Variants in BRD10 observed in about 807,000 individuals in gnomAD.
The protein encoded by BRD10 is bromodomain containing 10, also known as uncharacterized bromodomain-containing protein 10.
At chr9:5,923,406 A>T in the BRD10 span, 1 of 927,008 alleles carries the variant, frequency 1.1e-6, no homozygotes, top group Non-Finnish European at 1.6e-6. Context: ...TTGAGCTGGC[A>T]GTGTATTAAG....
At chr9:5,934,353 C>CT in the BRD10 span, among the ~76,000 whole-genome samples, 2 of 125,204 alleles carry the variant, frequency 1.6e-5, 1 homozygote, top group Non-Finnish European at 3.4e-5. Context: ...ATATATTACG[C>CT]TTTTCTTTTT....
the BRD10 span, among the ~76,000 whole-genome samples, chr9:5,928,281 A>T: frequency 6.6e-6 from 1 of 151,838 alleles, no homozygotes; most frequent in Non-Finnish European, 1.5e-5. Flanking sequence ...AGCCTCTACC[A>T]TTTTTCTCCT....
chr9:5,969,635 G>A, the BRD10 span, among the ~76,000 whole-genome samples: 2 of 151,834 alleles, frequency 1.3e-5, no homozygotes, highest in South Asian at 2.1e-4. Flanking sequence ...CCTCTGCCTC[G>A]CGGGTTCAAG....
chr9:5,954,352 G>A, the BRD10 span, among the ~76,000 whole-genome samples: 5 of 152,108 alleles, frequency 3.3e-5, no homozygotes, highest in African/African-American at 1.2e-4. Flanking sequence ...GTGTTATACG[G>A]TAGAATCTAC....
the BRD10 span, among the ~76,000 whole-genome samples, chr9:5,997,477 T>C: frequency 4.6e-5 from 7 of 151,792 alleles, no homozygotes; most frequent in Non-Finnish European, 7.4e-5. Context: ...CTACCAAATA[T>C]ATTAAAATAA....
the BRD10 span, among the ~76,000 whole-genome samples, chr9:6,001,106 C>T: frequency 2.0e-5 from 3 of 152,278 alleles, no homozygotes; most frequent in South Asian, 6.2e-4. Context: ...ACATCATCTG[C>T]TCCTTCATAC....
At chr9:5,978,458 A>C in the BRD10 span, among the ~76,000 whole-genome samples, 2 of 151,958 alleles carry the variant, frequency 1.3e-5, no homozygotes, top group Admixed American at 6.5e-5. Flanking sequence ...GGCATGAAAA[A>C]GGGAAGCAAG....
chr9:5,906,653 G>C, the BRD10 span, among the ~76,000 whole-genome samples: 5 of 152,232 alleles, frequency 3.3e-5, no homozygotes, highest in Non-Finnish European at 7.3e-5. Flanking sequence ...TACTGCACTA[G>C]AGCTTTACTT....
the BRD10 span, among the ~76,000 whole-genome samples, chr9:5,930,369 T>TTTTATATATAATATATATATATATA: frequency 1.0e-4 from 14 of 135,536 alleles, no homozygotes; most frequent in African/African-American, 4.0e-4. Context: ...TATAAGGAGA[T>TTTTATATATAATATATATATATATA]TATATATATA....
chr9:5,972,111 A>G, the BRD10 span, among the ~76,000 whole-genome samples: 1 of 152,222 alleles, frequency 6.6e-6, no homozygotes, highest in African/African-American at 2.4e-5. Context: ...CCTTAAGTCT[A>G]GACTTTAAGG....
the BRD10 span, chr9:6,007,568 C>T: frequency 1.2e-6 from 2 of 1,611,276 alleles, no homozygotes; most frequent in Non-Finnish European, 1.7e-6. Context: ...TAGGTCAGCT[C>T]CTGCTCCTTG....
the BRD10 span, among the ~76,000 whole-genome samples, chr9:5,996,487 T>A: frequency 6.6e-6 from 1 of 152,042 alleles, no homozygotes; most frequent in African/African-American, 2.4e-5. Flanking sequence ...CCTGGCTAAT[T>A]TTTGTATGTT....
chr9:6,008,157 C>A, the BRD10 span: 1 of 979,548 alleles, frequency 1.0e-6, no homozygotes, highest in Non-Finnish European at 1.2e-6. Context: ...CACCCCCTCC[C>A]GGGCCAGCGG....
the BRD10 span, among the ~76,000 whole-genome samples, chr9:5,957,562 A>G: frequency 6.6e-6 from 1 of 152,166 alleles, no homozygotes; most frequent in Admixed American, 6.5e-5. Context: ...ATGTGAAATT[A>G]GGTCTGTCTC....
At chr9:5,933,311 CA>C in the BRD10 span, among the ~76,000 whole-genome samples, 2 of 152,100 alleles carry the variant, frequency 1.3e-5, no homozygotes, top group Admixed American at 6.5e-5. Context: ...TTTCATAATT[CA>C]AATATTTACT....
chr9:5,975,569 A>G, the BRD10 span, among the ~76,000 whole-genome samples: 3 of 152,056 alleles, frequency 2.0e-5, no homozygotes, highest in African/African-American at 7.2e-5. Flanking sequence ...CCCAAACTAC[A>G]CTTTTGGAGA....
chr9:5,970,697 G>T, the BRD10 span, among the ~76,000 whole-genome samples: 2 of 152,130 alleles, frequency 1.3e-5, no homozygotes, highest in Non-Finnish European at 2.9e-5. Context: ...TAGGAGACTT[G>T]TATATAGAAT....
chr9:5,905,429 C>T, the BRD10 span, among the ~76,000 whole-genome samples: 1 of 152,206 alleles, frequency 6.6e-6, no homozygotes, highest in Non-Finnish European at 1.5e-5. Context: ...ACAGAATGAA[C>T]TCTTTGTGGC....
the BRD10 span, chr9:5,910,483 A>C: frequency 6.6e-6 from 1 of 152,224 alleles, no homozygotes; most frequent in Non-Finnish European, 1.5e-5. Context: ...ATTCTAAACC[A>C]AAGAAACTTC....
Sources: gnomAD v4.1 joint callset for allele counts (sites outside exome capture counted in the v4.1 genomes callset) on GRCh38, gnomAD v4.1.1 for gene constraint, MANE v1.5 for transcripts, NCBI Gene and HGNC (gene_info 2026-07-23, HGNC 2026-07-21) for gene names.